The following HACD3 variants were observed in gnomAD, a reference collection of about 807,000 sequenced individuals.
The protein encoded by HACD3 is very-long-chain (3R)-3-hydroxyacyl-CoA dehydratase 3.
A neutral mutation model predicts 55.2 loss-of-function variants in HACD3; 30 were observed. That is an observed-to-expected ratio of 0.54 (90% CI 0.41 to 0.74). The LOEUF is 0.74. Among genes scored for constraint, HACD3 ranks in the 30% least tolerant of loss-of-function variants. HACD3 has a pLI of 0.00. For missense variants in HACD3, 363 were observed against 440.1 expected, an observed-to-expected ratio of 0.82 and a Z score of 1.57; for synonymous variants, 141 against 151.7, an observed-to-expected ratio of 0.93 and a Z score of 0.52.
chr15:65,565,725 T>A (rs1238535416), intron 7 of HACD3: 2 of 152,214 alleles, frequency 1.3e-5, no homozygotes, highest in African/African-American at 2.4e-5. Flanking sequence ...CTGGTTACAT[T>A]TTCCCCATGG....
At chr15:65,561,620 A>G (rs1320324706) in intron 5 of HACD3, among the ~76,000 whole-genome samples, 2 of 152,060 alleles carry the variant, frequency 1.3e-5, no homozygotes, top group African/African-American at 4.8e-5. Context: ...TTTCTTACTC[A>G]ACAACAATCA....
intron 7 of HACD3, among the ~76,000 whole-genome samples, chr15:65,568,731 G>T (rs2072318143): frequency 1.3e-5 from 2 of 152,112 alleles, no homozygotes; most frequent in African/African-American, 4.8e-5. Context: ...ATTCTTTAAA[G>T]ACGAGCTCAA....
At chr15:65,556,677 T>G (rs2072193651) in intron 3 of HACD3, 62 bp from the exon 4 acceptor site, 3 of 1,506,626 alleles carry the variant, frequency 2.0e-6, no homozygotes, top group African/African-American at 2.8e-5. Context: ...ACGGCGCCCC[T>G]GGCATGGTGC....
intron 2 of HACD3, among the ~76,000 whole-genome samples, chr15:65,553,977 C>T (rs1023232851): frequency 1.3e-5 from 2 of 152,192 alleles, no homozygotes; most frequent in African/African-American, 2.4e-5. Flanking sequence ...AGGTACTTCC[C>T]TCCTAGTTCC....
At chr15:65,551,633 C>A in intron 1 of HACD3, 43 bp from the exon 2 acceptor site, 1 of 1,610,956 alleles carries the variant, frequency 6.2e-7, no homozygotes, top group Non-Finnish European at 8.5e-7. Flanking sequence ...CATTTTTTCT[C>A]TTCATTAAAA....
chr15:65,571,096 A>ATGTT (rs2072343619), intron 8 of HACD3, among the ~76,000 whole-genome samples: 1 of 152,226 alleles, frequency 6.6e-6, no homozygotes, highest in Admixed American at 6.5e-5. Context: ...CCTTAATGCA[A>ATGTT]TGTTTACTGT....
chr15:65,554,051 A>G (rs951243455), intron 2 of HACD3, among the ~76,000 whole-genome samples: 2 of 152,182 alleles, frequency 1.3e-5, no homozygotes, highest in African/African-American at 4.8e-5. Context: ...GGGATGTGCT[A>G]AAGGAGGAGT....
chr15:65,559,395 G>A (rs1324347927), intron 5 of HACD3, among the ~76,000 whole-genome samples: 1 of 151,844 alleles, frequency 6.6e-6, no homozygotes, highest in Non-Finnish European at 1.5e-5. Flanking sequence ...TGAGGGAACT[G>A]CAGGTGTATG....
chr15:65,564,554 G>C (rs1001007251), intron 7 of HACD3: 13 of 540,560 alleles, frequency 2.4e-5, no homozygotes. Context: ...CTTACGTGGT[G>C]GCGGCAAGAG....
At chr15:65,572,196 T>C in intron 9 of HACD3, 39 bp from the exon 10 acceptor site, 1 of 1,606,380 alleles carries the variant, frequency 6.2e-7, no homozygotes. Flanking sequence ...AATGTGACTG[T>C]TTCATTTGCT....
At chr15:65,560,168 T>TAATAA (rs2072230963) in intron 5 of HACD3, among the ~76,000 whole-genome samples, 4 of 152,112 alleles carry the variant, frequency 2.6e-5, no homozygotes, top group African/African-American at 9.7e-5. Context: ...TATGCCACTG[T>TAATAA]GCCTGGCTTA....
chr15:65,559,882 A>G (rs1410947703), intron 5 of HACD3, among the ~76,000 whole-genome samples: 5 of 152,210 alleles, frequency 3.3e-5, no homozygotes, highest in Non-Finnish European at 5.9e-5. Flanking sequence ...GGTGTTAGGT[A>G]AAGCTTTAAC....
chr15:65,563,901 C>T (rs962601551), intron 6 of HACD3, among the ~76,000 whole-genome samples: 5 of 151,526 alleles, frequency 3.3e-5, no homozygotes, highest in African/African-American at 9.7e-5. Context: ...ACCCAGGAGG[C>T]GGGGGTTGCA....
intron 5 of HACD3, among the ~76,000 whole-genome samples, chr15:65,561,232 C>CA (rs1181755016): frequency 6.6e-6 from 1 of 152,124 alleles, no homozygotes; most frequent in African/African-American, 2.4e-5. Context: ...TTTGGGAGGC[C>CA]AAGGTGGGCA....
chr15:65,576,185 T>C (rs1025961390), intron 10 of HACD3, 118 bp from the exon 11 acceptor site: 6 of 1,441,398 alleles, frequency 4.2e-6, no homozygotes, highest in South Asian at 1.3e-5. Flanking sequence ...CCTGAGCCGC[T>C]GCAATAAGCT....
chr15:65,564,363 AG>A, intron 7 of HACD3, 21 bp downstream of exon 7: 4 of 1,607,820 alleles, frequency 2.5e-6, no homozygotes, highest in Non-Finnish European at 2.6e-6. Flanking sequence ...GTTAAGCTGA[AG>A]GGTGGGTAAT....
intron 1 of HACD3, among the ~76,000 whole-genome samples, chr15:65,536,282 G>A (rs2141202893): frequency 6.6e-6 from 1 of 152,082 alleles, no homozygotes; most frequent in South Asian, 2.1e-4. Flanking sequence ...ACAGGTTTGA[G>A]CCACTGTGCC....
At chr15:65,563,583 CT>C (rs1157177925) in intron 6 of HACD3, among the ~76,000 whole-genome samples, 1 of 152,150 alleles carries the variant, frequency 6.6e-6, no homozygotes, top group Admixed American at 6.5e-5. Context: ...GTGGAAGGAT[CT>C]CTTGCGCCCA....
intron 4 of HACD3, among the ~76,000 whole-genome samples, chr15:65,557,204 G>A (rs1277440631): frequency 2.0e-5 from 3 of 152,126 alleles, no homozygotes; most frequent in Admixed American, 1.3e-4. Context: ...GGCCGGGCAC[G>A]GTGGCTCACG....
Sources: gnomAD v4.1 joint callset for allele counts (sites outside exome capture counted in the v4.1 genomes callset) on GRCh38, gnomAD v4.1.1 for gene constraint, MANE v1.5 for transcripts, NCBI Gene and HGNC (gene_info 2026-07-23, HGNC 2026-07-21) for gene names.